The following GOLGA3 variants were observed in gnomAD, a reference collection of about 807,000 sequenced individuals.
GOLGA3 encodes the protein golgin subfamily A member 3.
Under a neutral mutation model 169.4 loss-of-function variants are expected in GOLGA3, and 75 were observed. That is an observed-to-expected ratio of 0.44 (90% confidence interval 0.37 to 0.54). GOLGA3 has a LOEUF of 0.54. GOLGA3 is among the 20% of genes least tolerant of loss of function. The pLI is 0.00. For missense variants in GOLGA3, 1,899 were observed against 1,930.0 expected (o/e 0.98, Z 0.30); for synonymous variants, 824 against 822.4 (o/e 1.00, Z -0.03).
At chr12:132,811,164 C>T (rs974413600) in intron 4 of GOLGA3, among the ~76,000 whole-genome samples, 5 of 152,274 alleles carry the variant, frequency 3.3e-5, no homozygotes, top group Admixed American at 6.5e-5. Flanking sequence ...GCCTGACATT[C>T]GGGGCCACTA....
rs537647883 is a variant in GOLGA3, at chr12:132,807,714, G to A, written c.1178+177C>T. Among the ~76,000 whole-genome samples, 47 of 152,230 alleles carry A rather than the reference G, an allele frequency of 3.1e-4. No individual in the cohort carries two copies. The South Asian group carries it at 3.3e-3, about 11-fold the overall frequency. The stretch of plus-strand genomic sequence containing the variant: ...CCAGTGCGGAGAGCCGTGGGCCCGG[G>A]AAGCAACATCTCAGGCCAGGCCCTC... On this transcript the variant is annotated intron_variant, in intron 5 of 23. Coordinates refer to ENST00000450791, the MANE Select transcript of GOLGA3 (RefSeq NM_001389683.1).
At position 132,796,773 on chromosome 12, in the gene GOLGA3, C is replaced by G. The variant is rs1454210939; in HGVS notation, c.1939-73G>C. ...GAACAGCAGCCGGTGGCCCCGTGCT[C>G]TGCAGAGAAACCCACCGCCCTGGCA... is the stretch of plus-strand genomic sequence containing the variant. On this transcript the variant is annotated intron_variant, in intron 9 of 23. Transcript: ENST00000450791. 125 of 1,461,402 alleles carry G rather than the reference C, an allele frequency of 8.6e-5. No homozygotes were observed. The East Asian group carries it at 1.0e-3, about 12-fold the overall frequency. The allele number at this position is 1,461,402 out of a possible 1,614,324, so 90.5% of individuals were successfully genotyped here.
Position 132,786,776 on chromosome 12 carries a change from G to A in GOLGA3, c.2823C>T (p.Phe941=), listed in dbSNP as rs745652313. 1.9e-5 allele frequency: 31 copies of A among 1,610,610 alleles called. No homozygotes were observed. In the Admixed American group the frequency reaches 4.2e-4, roughly 22 times the overall value. ...TGACCGCGACCATCTGCTCCTTATCGAACTGCAACGACTGTGGAAGGGAAG... is the reference window on the plus strand; with the variant it reads ...TGACCGCGACCATCTGCTCCTTATCAAACTGCAACGACTGTGGAAGGGAAG... ...EMETHLQSLQ[F]DKEQMVAVTE... Residue 941 remains phenylalanine, a synonymous_variant, in exon 14 of 24, where the codon TTC becomes TTT. Coordinates refer to ENST00000450791, the MANE Select transcript of GOLGA3 (RefSeq NM_001389683.1).
At position 132,816,732 on chromosome 12, in the gene GOLGA3, T is replaced by C. The variant is rs201558759; in HGVS notation, c.214A>G (p.Thr72Ala). 5 of 1,614,016 alleles carry C rather than the reference T, an allele frequency of 3.1e-6. No homozygotes were observed. The East Asian group carries it at 6.7e-5, about 22-fold the overall frequency. Residue 72 changes from threonine (T) to alanine (A), a missense_variant, in exon 3 of 24, where the codon ACG (threonine) becomes GCG (alanine). Thr to Ala is a moderately conservative substitution (Grantham distance 58, BLOSUM62 0). Coordinates refer to ENST00000450791, the MANE Select transcript of GOLGA3 (RefSeq NM_001389683.1). ...GQGGLCQNGP[T>A]PPFPDPPSSL... is the part of the protein sequence containing the mutation. Reference sequence around the variant, plus strand: ...GACGGAGGGTCTGGGAAGGGTGGCGTTGGCCCGTTCTGACAGAGGCCTCCC... The same window carrying C: ...GACGGAGGGTCTGGGAAGGGTGGCGCTGGCCCGTTCTGACAGAGGCCTCCC...
chr12:132,795,812 AG>A, intron 11 of GOLGA3, 39 bp downstream of exon 11: 1 of 1,573,058 alleles, frequency 6.4e-7, no homozygotes, highest in Non-Finnish European at 8.7e-7. Flanking sequence ...TCCTGCAAGG[AG>A]GGTTCTGATT....
At chr12:132,780,659 C>A (rs537051754) in intron 18 of GOLGA3, 139 bp downstream of exon 18, 1 of 674,592 alleles carries the variant, frequency 1.5e-6, no homozygotes, top group East Asian at 2.5e-5. Flanking sequence ...TGCTCTGCGG[C>A]CTCCGTCACC....
intron 8 of GOLGA3, among the ~76,000 whole-genome samples, 172 bp from the exon 9 acceptor site, chr12:132,798,649 G>A (rs1262313952): frequency 6.6e-6 from 1 of 151,264 alleles, no homozygotes; most frequent in African/African-American, 2.4e-5. Context: ...GCGCTGTCTG[G>A]GCTCTGCGTG....
intron 7 of GOLGA3, among the ~76,000 whole-genome samples, chr12:132,803,612 G>A (rs1254304101): frequency 2.0e-5 from 3 of 152,166 alleles, no homozygotes; most frequent in Admixed American, 6.5e-5. Context: ...TGGGTATCAC[G>A]AAATGCTCAA....
rs2044897648 is a variant in GOLGA3, at chr12:132,771,576, G to C, written c.*1529C>G. The C allele has an allele frequency of 6.6e-6, 1 of 152,066 alleles. No homozygotes were observed. The highest frequency in any genetic ancestry group is 1.5e-5 in the Non-Finnish European group (1 of 68,028). The allele number at this position is 152,066 out of a possible 1,614,324, so 9.4% of individuals were successfully genotyped here. A position where few individuals can be genotyped will look rare whatever the true frequency, so the allele number is the denominator to read the frequency against. ...ATCTGTCTCTGAGACACCTGGGAGA[G>C]CACAGCCACCTTCCTCACGGTGCCT... On this transcript the variant is annotated 3_prime_UTR_variant, in exon 24 of 24. Coordinates refer to ENST00000450791, the MANE Select transcript of GOLGA3 (RefSeq NM_001389683.1).
Position 132,822,195 on chromosome 12 carries a change from C to G in GOLGA3, c.-67G>C. ...AGTGAACCTTGGACAAGCTTGGCTT[C>G]TGCCATCAGCAACAGCCAAGAGCTC... On this transcript the variant is annotated 5_prime_UTR_variant, in exon 2 of 24. Coordinates refer to ENST00000450791, the MANE Select transcript of GOLGA3 (RefSeq NM_001389683.1). The G allele has an allele frequency of 6.5e-7, 1 of 1,533,886 alleles. No individual in the cohort carries two copies. Among genetic ancestry groups the G allele is most frequent in the Non-Finnish European group, 8.7e-7 (1 of 1,151,966 alleles).
intron 17 of GOLGA3, among the ~76,000 whole-genome samples, chr12:132,781,490 C>T (rs2045605234): frequency 6.6e-6 from 1 of 152,096 alleles, no homozygotes; most frequent in Non-Finnish European, 1.5e-5. Flanking sequence ...ACCCGGGAGG[C>T]AGGGAGCCGC....
rs140218746 is a variant in GOLGA3 at position 132,816,724 on chromosome 12, G to A, written c.222C>T (p.Pro74=). 3 of 1,614,090 alleles carry A rather than the reference G, an allele frequency of 1.9e-6. No homozygotes were observed. The highest frequency in any genetic ancestry group is 1.3e-5 in the African/African-American group (1 of 75,042). Residue 74 remains proline, a synonymous_variant, in exon 3 of 24, where the codon CCC becomes CCT. Transcript: ENST00000450791. ...GGLCQNGPTP[P]FPDPPSSLDP... is the part of the protein sequence containing the mutation. ...CGAGAGACGACGGAGGGTCTGGGAA[G>A]GGTGGCGTTGGCCCGTTCTGACAGA...
In GOLGA3 at chr12:132,804,162, G is replaced by A. The variant is rs1300319561; in HGVS notation, c.1597+554C>T. Among the ~76,000 whole-genome samples the A allele has an allele frequency of 2.0e-5, 3 of 152,198 alleles. No individual in the cohort carries two copies. Among genetic ancestry groups the A allele is most frequent in the East Asian group, 1.9e-4 (1 of 5,190 alleles). On this transcript the variant is annotated intron_variant, in intron 7 of 23. Coordinates refer to ENST00000450791, the MANE Select transcript of GOLGA3 (RefSeq NM_001389683.1). The surrounding 1 kb of genome is among the most constrained non-coding windows in gnomAD (Gnocchi z 4.1). ...CCTATAGGGAGGCAGCTGGACCGACGCACTGCATCCAGGGAGAAAAGGTTG... is the reference window on the plus strand; with the variant it reads ...CCTATAGGGAGGCAGCTGGACCGACACACTGCATCCAGGGAGAAAAGGTTG...
chr12:132,780,894 G>A lies in GOLGA3; in HGVS notation c.3486C>T (p.Arg1162=). 6.2e-7 allele frequency: 1 copy of A among 1,611,498 alleles called. No individual in the cohort carries two copies. The highest frequency in any genetic ancestry group is 8.5e-7 in the Non-Finnish European group (1 of 1,179,892). ...LNLQVQAVLQ[R]KEEEDRQMKH... ...TCATCTGGCGATCCTCCTCTTCTTT[G>A]CGCTGCAAAACTGCCTGCACCTAGA... Residue 1162 remains arginine, a synonymous_variant, in exon 18 of 24, where the codon CGC becomes CGT. Coordinates refer to ENST00000450791, the MANE Select transcript of GOLGA3 (RefSeq NM_001389683.1).
Position 132,774,165 on chromosome 12 carries a change from C to G in GOLGA3, c.4299G>C (p.Gln1433His). The G allele has an allele frequency of 6.3e-7, 1 of 1,597,878 alleles. No individual in the cohort carries two copies. The highest frequency in any genetic ancestry group is 8.5e-7 in the Non-Finnish European group (1 of 1,171,386). Residue 1433 changes from glutamine to histidine, a missense_variant, in exon 23 of 24, where the codon CAG becomes CAC. By Grantham distance (24) the Gln-to-His change is conservative. Coordinates refer to ENST00000450791, the MANE Select transcript of GOLGA3 (RefSeq NM_001389683.1). ...EPLKNLNSCL[Q>H]QLKQEMDSLQ... ...ACGGAATACGGTCGTACTTGAGCTG[C>G]TGGAGGCAGCTGTTCAGGTTCTTGA...
In GOLGA3 at chr12:132,796,402, G is replaced by A. The variant is rs73487192; in HGVS notation, c.2100+137C>T. ...GGGTCAGGTCTGCAGCAGCAGCAGC[G>A]TCTGACCGACAGCCCAACTCCCACC... On this transcript the variant is annotated intron_variant, in intron 10 of 23. Coordinates refer to ENST00000450791, the MANE Select transcript of GOLGA3 (RefSeq NM_001389683.1). 11,252 of 1,183,270 alleles carry A rather than the reference G, an allele frequency of 9.5e-3. 84 individuals carry two copies. The highest frequency in any genetic ancestry group is 0.02 in the African/African-American group (1,282 of 65,398). The allele number at this position is 1,183,270 out of a possible 1,614,324, so 73.3% of individuals were successfully genotyped here.
intron 22 of GOLGA3, 92 bp from the exon 23 acceptor site, chr12:132,774,412 C>A (rs368130617): frequency 4.9e-6 from 7 of 1,436,392 alleles, no homozygotes; most frequent in Non-Finnish European, 6.7e-6. Context: ...GCCTCCCCAA[C>A]TGGTGGACGT....
At position 132,777,160 on chromosome 12, in the gene GOLGA3, A is replaced by C; in HGVS notation, c.3723-70T>G. The C allele has an allele frequency of 1.3e-6, 2 of 1,499,654 alleles. No individual in the cohort carries two copies. The highest frequency in any genetic ancestry group is 1.8e-6 in the Non-Finnish European group (2 of 1,117,452). 92.9% of individuals were successfully genotyped at this position (1,499,654 alleles called of 1,614,324 possible). ...AGTGTGCTGTGCCCTCCCGCTGGGA[A>C]ATGCTGCCTGTGGAAGGCGTTCGTC... On this transcript the variant is annotated intron_variant, in intron 19 of 23. Transcript: ENST00000450791. The surrounding 1 kb of genome is among the most constrained non-coding windows in gnomAD (Gnocchi z 4.7).
intron 4 of GOLGA3, among the ~76,000 whole-genome samples, chr12:132,812,229 ATT>A (rs1156328379): frequency 0.12 from 17,614 of 143,802 alleles, 1,398 homozygotes; most frequent in Middle Eastern, 0.22. Context: ...ATATATATAT[ATT>A]TTTTTTAACT....
Sources: gnomAD v4.1 joint callset for allele counts (sites outside exome capture counted in the v4.1 genomes callset) on GRCh38, gnomAD v4.1.1 for gene constraint, Gnocchi (gnomAD v3.1) non-coding constraint, MANE v1.5 for transcripts, NCBI Gene and HGNC (gene_info 2026-07-23, HGNC 2026-07-21) for gene names.